SUSD6: variants seen among roughly 807,000 people sequenced by gnomAD.
SUSD6 encodes sushi domain-containing protein 6.
Under a neutral mutation model 28.4 loss-of-function variants are expected in SUSD6, and 16 were observed. The ratio of observed to expected loss-of-function variants is 0.56; its 90% CI spans 0.38 to 0.86. The LOEUF is 0.86. Among genes scored for constraint, SUSD6 ranks in the 40% least tolerant of loss-of-function variants. The pLI, the probability that SUSD6 is intolerant of heterozygous loss-of-function variation, is 0.00. For missense variants in SUSD6, 341 were observed against 384.2 expected, an observed-to-expected ratio of 0.89 and a Z score of 0.94; for synonymous variants, 147 against 159.6, an observed-to-expected ratio of 0.92 and a Z score of 0.59.
intron 5 of SUSD6, 91 bp downstream of exon 5, chr14:69,709,195 A>G (rs1289123018): frequency 3.3e-6 from 4 of 1,216,258 alleles, no homozygotes; most frequent in Non-Finnish European, 4.6e-6. Context: ...AATAATTGGT[A>G]TATTTTTAGC....
intron 2 of SUSD6, among the ~76,000 whole-genome samples, chr14:69,669,271 C>T (rs867100902): frequency 6.6e-6 from 1 of 151,932 alleles, no homozygotes; most frequent in Admixed American, 6.6e-5. Flanking sequence ...ACCATGTTGG[C>T]CAGGATGGTC....
chr14:69,688,454 A>G (rs1285758920), intron 2 of SUSD6, among the ~76,000 whole-genome samples: 1 of 152,106 alleles, frequency 6.6e-6, no homozygotes, highest in Non-Finnish European at 1.5e-5. Context: ...AGGACCTGTG[A>G]CCCCAGCTGT....
chr14:69,690,545 A>T (rs34640804), intron 2 of SUSD6, among the ~76,000 whole-genome samples: 1 of 152,214 alleles, frequency 6.6e-6, no homozygotes, highest in Non-Finnish European at 1.5e-5. Context: ...TATGCTGAGC[A>T]AGATGCAAAA....
At chr14:69,625,749 G>T (rs758205559) in intron 1 of SUSD6, among the ~76,000 whole-genome samples, 2 of 152,114 alleles carry the variant, frequency 1.3e-5, no homozygotes, top group Non-Finnish European at 2.9e-5. Context: ...TCTTGTATGT[G>T]GCACACTCTT....
At chr14:69,638,081 C>T (rs534273902) in intron 1 of SUSD6, among the ~76,000 whole-genome samples, 174 of 152,172 alleles carry the variant, frequency 1.1e-3, no homozygotes, top group Non-Finnish European at 1.1e-3. Context: ...CTTTATGTTA[C>T]ATAAGACAGC....
At chr14:69,669,719 A>G (rs75310290) in intron 2 of SUSD6, among the ~76,000 whole-genome samples, 4,445 of 152,280 alleles carry the variant, frequency 0.029, 82 homozygotes, top group Middle Eastern at 0.068. Flanking sequence ...TTATCCTTCA[A>G]AGTCCAACTT....
rs893863111 is a variant in SUSD6, at chr14:69,611,986, G to C, written c.-81+158G>C. Among the ~76,000 whole-genome samples, 283 of 149,338 alleles carry C rather than the reference G, an allele frequency of 1.9e-3. 1 individual carries two copies. Among genetic ancestry groups the C allele is most frequent in the Non-Finnish European group, 2.5e-3 (166 of 66,864 alleles). ...GCGGCTCCCCGCGCTTCTCTGCGCCGGCCCGCTGTCACCCGGCCGCGAGCC... is the reference window on the plus strand; with the variant it reads ...GCGGCTCCCCGCGCTTCTCTGCGCCCGCCCGCTGTCACCCGGCCGCGAGCC... On this transcript the variant is annotated intron_variant, in intron 1 of 5. Transcript: ENST00000342745.
At chr14:69,697,814 A>G (rs917309858) in intron 2 of SUSD6, among the ~76,000 whole-genome samples, 2 of 152,216 alleles carry the variant, frequency 1.3e-5, no homozygotes, top group Non-Finnish European at 2.9e-5. Flanking sequence ...AGAAAAGCTC[A>G]TATTTGAGCA....
At chr14:69,666,538 A>T (rs1300895640) in intron 2 of SUSD6, among the ~76,000 whole-genome samples, 1 of 152,250 alleles carries the variant, frequency 6.6e-6, no homozygotes, top group Non-Finnish European at 1.5e-5. Context: ...ATATAACATT[A>T]GAATTAAAAA....
chr14:69,689,425 A>G (rs527397990), intron 2 of SUSD6, among the ~76,000 whole-genome samples: 1 of 152,314 alleles, frequency 6.6e-6, no homozygotes, highest in East Asian at 1.9e-4. Context: ...TATAATCCTT[A>G]CATGGATTCT....
intron 1 of SUSD6, among the ~76,000 whole-genome samples, chr14:69,637,471 A>G (rs1258286621): frequency 6.6e-6 from 1 of 152,122 alleles, no homozygotes; most frequent in East Asian, 1.9e-4. Flanking sequence ...CAGGGTCAGC[A>G]TACCCCAGTG....
chr14:69,686,661 G>A (rs532644446), intron 2 of SUSD6, among the ~76,000 whole-genome samples: 1 of 152,280 alleles, frequency 6.6e-6, no homozygotes, highest in East Asian at 1.9e-4. Flanking sequence ...GATGACAGCA[G>A]GCAAAAAGAG....
At chr14:69,703,135 C>T (rs1050946583) in intron 2 of SUSD6, among the ~76,000 whole-genome samples, 10 of 152,100 alleles carry the variant, frequency 6.6e-5, no homozygotes. Context: ...GTCTGCCGTT[C>T]ATTTATGGAT....
intron 2 of SUSD6, among the ~76,000 whole-genome samples, chr14:69,684,366 C>A (rs1293290496): frequency 6.6e-6 from 1 of 152,156 alleles, no homozygotes; most frequent in East Asian, 1.9e-4. Flanking sequence ...AAAAAGTGTT[C>A]TTAGTAGAAT....
At chr14:69,623,909 AAG>A (rs1345388471) in intron 1 of SUSD6, among the ~76,000 whole-genome samples, 2 of 152,240 alleles carry the variant, frequency 1.3e-5, no homozygotes, top group Non-Finnish European at 2.9e-5. Context: ...AATAATTAAA[AAG>A]TTTATAAAGT....
At chr14:69,690,556 G>T in intron 2 of SUSD6, among the ~76,000 whole-genome samples, 1 of 152,208 alleles carries the variant, frequency 6.6e-6, no homozygotes, top group Non-Finnish European at 1.5e-5. Context: ...AGATGCAAAA[G>T]TTCAAAGTAG....
intron 1 of SUSD6, among the ~76,000 whole-genome samples, chr14:69,631,174 A>T (rs1885187292): frequency 6.6e-6 from 1 of 152,302 alleles, no homozygotes; most frequent in African/African-American, 2.4e-5. Context: ...CAGCCCTCAC[A>T]TGTGCATGTT....
At chr14:69,672,044 A>AT (rs750645492) in intron 2 of SUSD6, among the ~76,000 whole-genome samples, 3 of 152,156 alleles carry the variant, frequency 2.0e-5, no homozygotes, top group Non-Finnish European at 4.4e-5. Context: ...TTATAATACT[A>AT]TTTTTTCAGT....
In SUSD6 at chr14:69,665,690, C is replaced by G. The variant is rs145002725; in HGVS notation, c.121+6977C>G. On this transcript the variant is annotated intron_variant, in intron 2 of 5. Transcript: ENST00000342745. ...GCAGCTCTCATGGAGCCACTGAGAT[C>G]ATGAGTATAACTGAGTATTATATCT... Among the ~76,000 whole-genome samples the G allele has an allele frequency of 1.2e-4, 18 of 152,346 alleles. No homozygotes were observed. The East Asian group carries it at 3.3e-3, about 28-fold the overall frequency.
Sources: allele counts gnomAD v4.1 joint callset (sites outside exome capture counted in the v4.1 genomes callset), GRCh38; gene constraint gnomAD v4.1.1; transcripts MANE v1.5; gene names NCBI Gene and HGNC (gene_info 2026-07-23, HGNC 2026-07-21).